Variants in LCK observed in about 807,000 individuals in gnomAD.
LCK encodes the protein tyrosine-protein kinase Lck.
LCK carries 14 observed loss-of-function variants against 64.6 expected under a neutral mutation model. That is an observed-to-expected ratio of 0.22 (90% CI 0.14 to 0.34). The LOEUF (loss-of-function observed/expected upper bound fraction) is 0.34. Ranked by LOEUF, LCK falls within the 10% of genes least tolerant of loss-of-function variation. The probability of loss-of-function intolerance (pLI) is 1.00; values close to 1 mark genes in which losing one functional copy is unlikely to be tolerated. For missense variants in LCK, 434 were observed against 668.1 expected (o/e 0.65, Z 3.86); for synonymous variants, 277 against 263.6 (o/e 1.05, Z -0.49).
intron 12 of LCK, among the ~76,000 whole-genome samples, chr1:32,284,127 C>T (rs1171968468): frequency 6.6e-6 from 1 of 151,752 alleles, no homozygotes; most frequent in Non-Finnish European, 1.5e-5. Flanking sequence ...AGGTGATCCA[C>T]CCGGCTTGGC....
intron 1 of LCK, among the ~76,000 whole-genome samples, chr1:32,255,670 A>G (rs1569896326): frequency 6.6e-6 from 1 of 151,960 alleles, no homozygotes; most frequent in African/African-American, 2.4e-5. Flanking sequence ...AAATGAAGTG[A>G]CCCACCAGAG....
In LCK at chr1:32,276,168, A is replaced by G; in HGVS notation, c.631+105A>G. The G allele has an allele frequency of 6.7e-7, 1 of 1,482,136 alleles. No individual in the cohort carries two copies. The highest frequency in any genetic ancestry group is 1.2e-5 in the South Asian group (1 of 81,580). 91.8% of individuals were successfully genotyped at this position (1,482,136 alleles called of 1,614,324 possible). A position where few individuals can be genotyped will look rare whatever the true frequency, so the allele number is the denominator to read the frequency against. ...TTCAATGCCCTACTCCATTCCCCGC[A>G]GTGGGTGAGGTGTGGAACCTGACCC... On this transcript the variant is annotated intron_variant, in intron 7 of 12. Coordinates refer to ENST00000336890, the MANE Select transcript of LCK (RefSeq NM_005356.5). This position sits in a 1 kb window ranked among gnomAD's most constrained non-coding sequence, Gnocchi z 4.6.
At position 32,274,981 on chromosome 1, in the gene LCK, T is replaced by C; in HGVS notation, c.188-12T>C. On this transcript the variant is annotated splice_polypyrimidine_tract_variant and intron_variant, in intron 3 of 12. Coordinates refer to ENST00000336890, the MANE Select transcript of LCK (RefSeq NM_005356.5). ...CCAGCTCGGTTCTCCCTGATGCCCC[T>C]TGTCTTTACAGACAACCTGGTTATC... 1 of 1,614,208 alleles carries C rather than the reference T, an allele frequency of 6.2e-7. No individual in the cohort carries two copies. Among genetic ancestry groups the C allele is most frequent in the Non-Finnish European group, 8.5e-7 (1 of 1,180,022 alleles).
At chr1:32,280,454 T>C (rs986154644) in intron 12 of LCK, among the ~76,000 whole-genome samples, 3 of 120,662 alleles carry the variant, frequency 2.5e-5, no homozygotes, top group Non-Finnish European at 5.4e-5. Flanking sequence ...TTTTTTTTTT[T>C]TTTTTTTTTT....
At chr1:32,254,812 G>C (rs1639590960) in intron 1 of LCK, among the ~76,000 whole-genome samples, 1 of 152,020 alleles carries the variant, frequency 6.6e-6, no homozygotes, top group Non-Finnish European at 1.5e-5. Flanking sequence ...TCGCCCGGCT[G>C]TTTTTGTTTC....
rs34162389 is a variant in LCK at position 32,271,001 on chromosome 1, C to CTTT, written c.-5-3309_-5-3307dup. Among the ~76,000 whole-genome samples, 13 of 123,386 alleles carry CTTT rather than the reference C, an allele frequency of 1.1e-4. 1 individual carries two copies. Among genetic ancestry groups the CTTT allele is most frequent in the African/African-American group, 3.8e-4 (12 of 31,964 alleles). 80.9% of individuals were successfully genotyped at this position (123,386 alleles called of 152,430 possible). ...ACAGGTGTGAGCCACCGCGCCTGGC[C>CTTT]TTTTTTTTTTTTTTTTTGAGACAGG... is the stretch of plus-strand genomic sequence containing the variant. On this transcript the variant is annotated intron_variant, in intron 1 of 12. Transcript: ENST00000336890.
At position 32,275,699 on chromosome 1, in the gene LCK, C is replaced by A; in HGVS notation, c.481+27C>A. 1 of 1,536,876 alleles carries A rather than the reference C, an allele frequency of 6.5e-7. No individual in the cohort carries two copies. Among genetic ancestry groups the A allele is most frequent in the South Asian group, 1.2e-5 (1 of 84,630 alleles). On this transcript the variant is annotated intron_variant, in intron 6 of 12. Coordinates refer to ENST00000336890, the MANE Select transcript of LCK (RefSeq NM_005356.5). This position sits in a 1 kb window ranked among gnomAD's most constrained non-coding sequence, Gnocchi z 6.9. ...TGAGCGGGCGGCGGTCTCGACCGGGCGCGGGGGTGCCCCGGGGTGTGCCCG... is the reference window on the plus strand; with the variant it reads ...TGAGCGGGCGGCGGTCTCGACCGGGAGCGGGGGTGCCCCGGGGTGTGCCCG...
chr1:32,276,015 C>T lies in LCK; in HGVS notation c.583C>T (p.Pro195Ser). 1 of 1,614,116 alleles carries T rather than the reference C, an allele frequency of 6.2e-7. No individual in the cohort carries two copies. The change falls in exon 7 of 13, where the codon CCT (proline) becomes TCT (serine). Residue 195 changes from proline to serine, a missense_variant. Physicochemically the swap from Pro to Ser is moderately conservative, Grantham distance 74. This residue lies in a region of LCK where 233 missense variants were observed against 291.2 expected (regional missense o/e 0.80). Transcript: ENST00000336890. The surrounding 1 kb of genome is among the most constrained non-coding windows in gnomAD (Gnocchi z 4.6). ...NLDNGGFYISPRITFPGLHEL... is the reference protein window; with the variant it reads ...NLDNGGFYISSRITFPGLHEL... ...GGACAACGGTGGCTTCTACATCTCCCCTCGAATCACTTTTCCCGGCCTGCA... is the reference window on the plus strand; with the variant it reads ...GGACAACGGTGGCTTCTACATCTCCTCTCGAATCACTTTTCCCGGCCTGCA...
Position 32,274,377 on chromosome 1 carries a change from CAT to C in LCK, c.49_50del (p.Ile17ArgfsTer4). ...ACCCGGAAGATGACTGGATGGAAAACATCGATGTGTGTGAGAACTGCCATTAT... is the reference window on the plus strand; with the variant it reads ...ACCCGGAAGATGACTGGATGGAAAACCGATGTGTGTGAGAACTGCCATTAT... ...SHPEDDWMEN[I>X]DVCENCHYPI... is the part of the protein sequence containing the mutation. On this transcript the variant is annotated frameshift_variant, in exon 2 of 13. Coordinates refer to ENST00000336890, the MANE Select transcript of LCK (RefSeq NM_005356.5). LOFTEE classifies it high-confidence loss of function. 1 of 1,614,118 alleles carries C rather than the reference CAT, an allele frequency of 6.2e-7. No individual in the cohort carries two copies. The highest frequency in any genetic ancestry group is 8.5e-7 in the Non-Finnish European group (1 of 1,180,002).
At position 32,276,333 on chromosome 1, in the gene LCK, G is replaced by A; in HGVS notation, c.632-4G>A. On this transcript the variant is annotated splice_polypyrimidine_tract_variant and splice_region_variant and intron_variant, in intron 7 of 12. Transcript: ENST00000336890. This position sits in a 1 kb window ranked among gnomAD's most constrained non-coding sequence, Gnocchi z 4.6. ...CAGCCTTCACCCCTCCCTCGTCCTC[G>A]CAGATGCTTCAGATGGGCTGTGCAC... 1 of 1,569,926 alleles carries A rather than the reference G, an allele frequency of 6.4e-7. No individual in the cohort carries two copies. Among genetic ancestry groups the A allele is most frequent in the Admixed American group, 1.9e-5 (1 of 52,818 alleles).
intron 9 of LCK, among the ~76,000 whole-genome samples, chr1:32,278,492 C>T (rs1020927712): frequency 6.6e-6 from 1 of 152,114 alleles, no homozygotes; most frequent in Admixed American, 6.6e-5. Flanking sequence ...GCATGTGCCA[C>T]CATGCCTGGC....
At chr1:32,259,638 T>A (rs183036748) in intron 1 of LCK, among the ~76,000 whole-genome samples, 4,659 of 141,290 alleles carry the variant, frequency 0.033, 246 homozygotes, top group African/African-American at 0.11. Flanking sequence ...AAAATAATAA[T>A]AATAATAATA....
At chr1:32,272,922 G>A (rs529605014) in intron 1 of LCK, among the ~76,000 whole-genome samples, 1 of 149,914 alleles carries the variant, frequency 6.7e-6, no homozygotes, top group East Asian at 2.0e-4. Context: ...GCCTGTGTGT[G>A]TGTATGAATG....
Position 32,251,442 on chromosome 1 carries a change from C to T in LCK, c.-6+71C>T, listed in dbSNP as rs144893180. ...CTGATAGCAGACGGCTGCAGCTGTG[C>T]GGGCCCAGGCTCCCTAGGGATGCAG... is the stretch of plus-strand genomic sequence containing the variant. On this transcript the variant is annotated intron_variant, in intron 1 of 12. Transcript: ENST00000336890. The surrounding 1 kb of genome is among the most constrained non-coding windows in gnomAD (Gnocchi z 4.0). 1.1e-3 allele frequency: 174 copies of T among 153,368 alleles called. No individual in the cohort carries two copies. The highest frequency in any genetic ancestry group is 1.6e-3 in the Non-Finnish European group (110 of 68,906). 9.5% of individuals were successfully genotyped at this position (153,368 alleles called of 1,614,324 possible).
Position 32,279,712 on chromosome 1 carries a change from T to C in LCK, c.1006T>C (p.Leu336=), listed in dbSNP as rs371628866. The C allele has an allele frequency of 3.1e-6, 5 of 1,613,416 alleles. No individual in the cohort carries two copies. In the African/African-American group the frequency reaches 6.7e-5, roughly 22 times the overall value. ...TCTCAAGACCCCTTCAGGCATCAAGTTGACCATCAACAAACTCCTGGACAT... is the reference window on the plus strand; with the variant it reads ...TCTCAAGACCCCTTCAGGCATCAAGCTGACCATCAACAAACTCCTGGACAT... ...DFLKTPSGIK[L]TINKLLDMAA... is the part of the protein sequence containing the mutation. The change falls in exon 10 of 13, where the codon TTG becomes CTG. Residue 336 remains leucine, a synonymous_variant. Transcript: ENST00000336890.
chr1:32,282,400 C>T (rs545655797), intron 12 of LCK, among the ~76,000 whole-genome samples: 29 of 152,268 alleles, frequency 1.9e-4, no homozygotes, highest in East Asian at 1.9e-4. Context: ...GCAATTAAGG[C>T]GTGGGGGACC....
intron 1 of LCK, among the ~76,000 whole-genome samples, chr1:32,252,762 G>T (rs887907389): frequency 2.6e-5 from 4 of 152,238 alleles, no homozygotes; most frequent in African/African-American, 9.6e-5. Context: ...CAGAGGAGGG[G>T]AGAAGGTGTC....
At chr1:32,258,115 T>C (rs1338274868) in intron 1 of LCK, among the ~76,000 whole-genome samples, 3 of 151,640 alleles carry the variant, frequency 2.0e-5, no homozygotes, top group Admixed American at 2.0e-4. Context: ...AGACCCCGTC[T>C]CTACAAAAAA....
rs902337805 is a variant in LCK, at chr1:32,274,655, G to A, written c.106-82G>A. ...AACATCTAACCAGGCTGGAGAGGCTGAGAGCAGAGCAGGGGGGAAGGGGGC... is the reference window on the plus strand; with the variant it reads ...AACATCTAACCAGGCTGGAGAGGCTAAGAGCAGAGCAGGGGGGAAGGGGGC... On this transcript the variant is annotated intron_variant, in intron 2 of 12. Transcript: ENST00000336890. The A allele has an allele frequency of 1.4e-5, 17 of 1,193,134 alleles. No homozygotes were observed. In the South Asian group the frequency reaches 2.2e-4, roughly 15 times the overall value. The allele number at this position is 1,193,134 out of a possible 1,614,324, so 73.9% of individuals were successfully genotyped here. A position where few individuals can be genotyped will look rare whatever the true frequency, so the allele number is the denominator to read the frequency against.
Sources: gnomAD v4.1 joint callset for allele counts (sites outside exome capture counted in the v4.1 genomes callset) on GRCh38, gnomAD v4.1.1 for gene constraint, gnomAD v4.1.1 regional missense constraint, Gnocchi (gnomAD v3.1) non-coding constraint, MANE v1.5 for transcripts, NCBI Gene and HGNC (gene_info 2026-07-23, HGNC 2026-07-21) for gene names.